Variants in TAB1 observed in about 807,000 individuals in gnomAD.
TAB1 encodes TGF-beta-activated kinase 1 and MAP3K7-binding protein 1.
In TAB1, 30 loss-of-function variants were observed where a neutral mutation model predicts 54.5. The observed-to-expected ratio is 0.55, with a 90% CI of 0.41 to 0.75. The LOEUF is 0.75. Among genes scored for constraint, TAB1 ranks in the 30% least tolerant of loss-of-function variants. The pLI, the probability that TAB1 is intolerant of heterozygous loss-of-function variation, is 0.00. For synonymous variants in TAB1, 289 were observed against 286.9 expected, an observed-to-expected ratio of 1.01 and a Z score of -0.07; for missense variants, 609 against 683.2, an observed-to-expected ratio of 0.89 and a Z score of 1.21.
Position 39,431,798 on chromosome 22 carries a change from G to A in TAB1, c.*1576G>A. On this transcript the variant is annotated 3_prime_UTR_variant, in exon 11 of 11. Coordinates refer to ENST00000216160, the MANE Select transcript of TAB1 (RefSeq NM_006116.3). ...ATTCTCTTCCAAGAATGCCTCTGTGGTGCTGTTTGGTCTCTAGAAACAGGG... is the reference window on the plus strand; with the variant it reads ...ATTCTCTTCCAAGAATGCCTCTGTGATGCTGTTTGGTCTCTAGAAACAGGG... The A allele has an allele frequency of 3.0e-6, 3 of 985,464 alleles. No homozygotes were observed. The highest frequency in any genetic ancestry group is 3.6e-6 in the Non-Finnish European group (3 of 829,948). 61.0% of individuals were successfully genotyped at this position (985,464 alleles called of 1,614,324 possible). A position where few individuals can be genotyped will look rare whatever the true frequency, so the allele number is the denominator to read the frequency against.
chr22:39,433,312 G>C, downstream of TAB1: 1 of 765,390 alleles, frequency 1.3e-6, no homozygotes, highest in South Asian at 5.9e-5. Context: ...TTAGCCGGAT[G>C]TGGTGGTGGG....
At chr22:39,433,169 C>T (rs1242372087), downstream of TAB1, 17 of 985,122 alleles carry the variant, frequency 1.7e-5, no homozygotes, top group East Asian at 1.1e-4. Flanking sequence ...ACATCAGTCT[C>T]GGCCGGGCGC....
intron 1 of TAB1, among the ~76,000 whole-genome samples, chr22:39,404,951 G>T (rs544668901): frequency 6.6e-6 from 1 of 152,198 alleles, no homozygotes; most frequent in Non-Finnish European, 1.5e-5. Context: ...GGCCTTGGAA[G>T]CTTTTTGGAG....
chr22:39,429,330 C>T lies in TAB1; in HGVS notation c.1308-685C>T, dbSNP rs566939938. ...CTGCTGAGTAGGTCCTGGGTTGGGA[C>T]GGGTTTAGAGAGATGGTAATGGACA... On this transcript the variant is annotated intron_variant, in intron 10 of 10. Transcript: ENST00000216160. The T allele has an allele frequency of 1.9e-4, 191 of 985,374 alleles. No homozygotes were observed. In the Middle Eastern group the frequency reaches 3.1e-3, roughly 16 times the overall value. The allele number at this position is 985,374 out of a possible 1,614,324, so 61.0% of individuals were successfully genotyped here.
At chr22:39,417,564 T>C (rs888418997) in intron 4 of TAB1, 147 bp from the exon 5 acceptor site, 10 of 707,042 alleles carry the variant, frequency 1.4e-5, no homozygotes, top group Non-Finnish European at 2.1e-5. Context: ...GAGCTTGTAG[T>C]GAGCCGAGAT....
Position 39,431,713 on chromosome 22 carries a change from A to T in TAB1, c.*1491A>T. 1.0e-6 allele frequency: 1 copy of T among 985,504 alleles called. No homozygotes were observed. Among genetic ancestry groups the T allele is most frequent in the South Asian group, 4.7e-5 (1 of 21,282 alleles). 61.0% of individuals were successfully genotyped at this position (985,504 alleles called of 1,614,324 possible). ...CTCCCTCACTCCCCACTTTGAAGCC[A>T]TCTCTGTTCTGCAGGTGAGAGGATT... is the stretch of plus-strand genomic sequence containing the variant. On this transcript the variant is annotated 3_prime_UTR_variant, in exon 11 of 11. Coordinates refer to ENST00000216160, the MANE Select transcript of TAB1 (RefSeq NM_006116.3).
chr22:39,430,903 G>C lies in TAB1; in HGVS notation c.*681G>C. On this transcript the variant is annotated 3_prime_UTR_variant, in exon 11 of 11. Transcript: ENST00000216160. Reference sequence around the variant, plus strand: ...TGGAACTGCCAGAGGATGGCGGCCTGGGCTTCCCCAGAGCCAGGCGTGCGG... The same window carrying C: ...TGGAACTGCCAGAGGATGGCGGCCTCGGCTTCCCCAGAGCCAGGCGTGCGG... 1.0e-6 allele frequency: 1 copy of C among 987,966 alleles called. No individual in the cohort carries two copies. Among genetic ancestry groups the C allele is most frequent in the Non-Finnish European group, 1.2e-6 (1 of 831,582 alleles). The allele number at this position is 987,966 out of a possible 1,614,324, so 61.2% of individuals were successfully genotyped here.
chr22:39,400,074 T>C (rs1346143009), intron 1 of TAB1, among the ~76,000 whole-genome samples: 1 of 151,984 alleles, frequency 6.6e-6, no homozygotes. Context: ...CTGCCGGGCG[T>C]CGAGGGCGGG....
chr22:39,411,080 G>A (rs960312448), intron 1 of TAB1, among the ~76,000 whole-genome samples: 4 of 152,014 alleles, frequency 2.6e-5, no homozygotes, highest in Non-Finnish European at 4.4e-5. Flanking sequence ...TTCAACAAAT[G>A]GTGTTGGAAT....
At chr22:39,422,242 G>A (rs1057060187) in intron 8 of TAB1, among the ~76,000 whole-genome samples, 5 of 152,036 alleles carry the variant, frequency 3.3e-5, no homozygotes, top group Non-Finnish European at 5.9e-5. Flanking sequence ...CTATGGGCAC[G>A]GCATTACTCT....
At chr22:39,417,258 G>A (rs1370412632) in intron 4 of TAB1, among the ~76,000 whole-genome samples, 2 of 152,232 alleles carry the variant, frequency 1.3e-5, no homozygotes, top group South Asian at 2.1e-4. Context: ...CTGTAGCGAA[G>A]GCTTCATCTT....
chr22:39,429,423 G>C (rs936137197), intron 10 of TAB1: 9 of 941,994 alleles, frequency 9.6e-6, no homozygotes, highest in African/African-American at 8.9e-5. Context: ...GTGCTGTCCT[G>C]TCACGGCGTC....
intron 1 of TAB1, among the ~76,000 whole-genome samples, chr22:39,405,694 A>T (rs1015035416): frequency 2.0e-5 from 3 of 152,240 alleles, no homozygotes; most frequent in Admixed American, 6.5e-5. Flanking sequence ...GGAGGAAGGA[A>T]GCGAGAGACT....
At position 39,415,528 on chromosome 22, in the gene TAB1, G is replaced by A. The variant is rs1926789862; in HGVS notation, c.199G>A (p.Val67Ile). The change falls in exon 3 of 11, where the codon GTC (valine) becomes ATC (isoleucine). Residue 67 changes from valine to isoleucine, a missense_variant. By Grantham distance (29) the Val-to-Ile change is conservative (BLOSUM62 3). Transcript: ENST00000216160. This position sits in a 1 kb window ranked among gnomAD's most constrained non-coding sequence, Gnocchi z 4.9. ...RSENNCFLYG[V>I]FNGYDGNRVT... ...TGAGAACAACTGCTTCCTGTATGGG[G>A]TCTTCAACGGCTATGATGGCAACCG... 9.3e-6 allele frequency: 15 copies of A among 1,614,078 alleles called. No homozygotes were observed. Among genetic ancestry groups the A allele is most frequent in the Non-Finnish European group, 1.3e-5 (15 of 1,180,038 alleles).
intron 1 of TAB1, among the ~76,000 whole-genome samples, chr22:39,404,012 T>G (rs1261128920): frequency 1.3e-5 from 2 of 151,962 alleles, no homozygotes; most frequent in African/African-American, 4.8e-5. Flanking sequence ...ACTCCTAGAG[T>G]CATCCAGGTG....
At chr22:39,402,236 A>G (rs1178604372) in intron 1 of TAB1, among the ~76,000 whole-genome samples, 1 of 152,070 alleles carries the variant, frequency 6.6e-6, no homozygotes. Context: ...AGGCTGGTCT[A>G]GAATCCTGGG....
chr22:39,433,092 A>C, downstream of TAB1: 1 of 985,314 alleles, frequency 1.0e-6, no homozygotes, highest in Non-Finnish European at 1.2e-6. Flanking sequence ...TGGGGAAAGC[A>C]CTGAGGCAGG....
At chr22:39,404,482 G>A (rs567614452) in intron 1 of TAB1, among the ~76,000 whole-genome samples, 1 of 151,882 alleles carries the variant, frequency 6.6e-6, no homozygotes, top group South Asian at 2.1e-4. Context: ...TGGGGTGATT[G>A]CCTGAGCCCA....
chr22:39,403,565 G>A lies in TAB1; in HGVS notation c.33+3730G>A, dbSNP rs1021799260. Among the ~76,000 whole-genome samples the A allele has an allele frequency of 3.3e-5, 5 of 152,074 alleles. No homozygotes were observed. The East Asian group carries it at 5.8e-4, about 18-fold the overall frequency. On this transcript the variant is annotated intron_variant, in intron 1 of 10. Coordinates refer to ENST00000216160, the MANE Select transcript of TAB1 (RefSeq NM_006116.3). ...GGCCTCTGGATTCCATTCTTCATGT[G>A]ATGTGAAGCTTTCATGGGGAGCAGA...
Sources: allele counts gnomAD v4.1 joint callset (sites outside exome capture counted in the v4.1 genomes callset), GRCh38; gene constraint gnomAD v4.1.1; non-coding constraint Gnocchi (gnomAD v3.1); transcripts MANE v1.5; gene names NCBI Gene and HGNC (gene_info 2026-07-23, HGNC 2026-07-21).